Variants in CORIN observed in about 807,000 individuals in gnomAD.
CORIN encodes atrial natriuretic peptide-converting enzyme.
Under a neutral mutation model 125.3 loss-of-function variants are expected in CORIN, and 117 were observed. The observed-to-expected ratio is 0.93, with a 90% CI of 0.80 to 1.09. The LOEUF is 1.09. Ranked by LOEUF, CORIN falls within the 50% of genes least tolerant of loss-of-function variation. The pLI, the probability that CORIN is intolerant of heterozygous loss-of-function variation, is 0.00. For missense variants in CORIN, 1,253 were observed against 1,306.7 expected (o/e 0.96, Z 0.63); for synonymous variants, 450 against 466.4 (o/e 0.96, Z 0.45).
intron 16 of CORIN, among the ~76,000 whole-genome samples, chr4:47,640,641 A>C (rs1723198408): frequency 1.3e-5 from 2 of 152,238 alleles, no homozygotes; most frequent in South Asian, 4.1e-4. Flanking sequence ...GGTGAATTTT[A>C]TGGATGTGTA....
At chr4:47,638,810 C>G (rs1414469513) in intron 16 of CORIN, among the ~76,000 whole-genome samples, 1 of 152,140 alleles carries the variant, frequency 6.6e-6, no homozygotes, top group African/African-American at 2.4e-5. Flanking sequence ...AATCAGAGAG[C>G]CATCATACTT....
Position 47,595,669 on chromosome 4 carries a change from A to C in CORIN, c.*52T>G. 6.9e-7 allele frequency: 1 copy of C among 1,458,100 alleles called. No individual in the cohort carries two copies. Among genetic ancestry groups the C allele is most frequent in the Non-Finnish European group, 9.3e-7 (1 of 1,073,034 alleles). 90.3% of individuals were successfully genotyped at this position (1,458,100 alleles called of 1,614,324 possible). A position where few individuals can be genotyped will look rare whatever the true frequency, so the allele number is the denominator to read the frequency against. On this transcript the variant is annotated 3_prime_UTR_variant, in exon 22 of 22. Transcript: ENST00000273857. ...CTGCAGGCAGCTCTTCACAGTCAAGAAGGCCATTTTCTTTTAGTGTAGCTG... is the reference window on the plus strand; with the variant it reads ...CTGCAGGCAGCTCTTCACAGTCAAGCAGGCCATTTTCTTTTAGTGTAGCTG...
chr4:47,788,093 C>T (rs554941167), intron 2 of CORIN, among the ~76,000 whole-genome samples: 2 of 152,122 alleles, frequency 1.3e-5, no homozygotes, highest in Non-Finnish European at 2.9e-5. Flanking sequence ...TCCAGAATAT[C>T]GCACTGTACT....
At chr4:47,648,715 G>A (rs1306270837) in intron 13 of CORIN, among the ~76,000 whole-genome samples, 1 of 152,204 alleles carries the variant, frequency 6.6e-6, no homozygotes, top group African/African-American at 2.4e-5. Context: ...TGAGCTGCAT[G>A]AAATTTTTAA....
chr4:47,600,083 A>G, intron 21 of CORIN, 131 bp downstream of exon 21: 1 of 750,588 alleles, frequency 1.3e-6, no homozygotes. Context: ...TGTGCTGTTA[A>G]TAATTAAACA....
At chr4:47,697,344 A>G (rs1234518619) in intron 5 of CORIN, among the ~76,000 whole-genome samples, 4 of 152,156 alleles carry the variant, frequency 2.6e-5, no homozygotes, top group Admixed American at 2.6e-4. Context: ...GTCATATTAG[A>G]TGGAAGGCCC....
At chr4:47,713,143 A>C (rs141181494) in intron 5 of CORIN, among the ~76,000 whole-genome samples, 2,092 of 152,316 alleles carry the variant, frequency 0.014, 43 homozygotes, top group African/African-American at 0.045. Flanking sequence ...AAAAGAGATA[A>C]TGGAAAAATC....
chr4:47,784,340 A>G (rs1335790393), intron 3 of CORIN, among the ~76,000 whole-genome samples: 1 of 152,222 alleles, frequency 6.6e-6, no homozygotes. Flanking sequence ...CAAGTACATT[A>G]ACAATATAAA....
chr4:47,623,451 G>A (rs2109555060), intron 19 of CORIN, 120 bp downstream of exon 19: 4 of 1,013,182 alleles, frequency 3.9e-6, no homozygotes, highest in East Asian at 4.9e-5. Context: ...GGCCTGGGAA[G>A]TAGATTAGCT....
At chr4:47,685,850 T>C (rs1369324914) in intron 6 of CORIN, among the ~76,000 whole-genome samples, 1 of 151,358 alleles carries the variant, frequency 6.6e-6, no homozygotes, top group African/African-American at 2.4e-5. Context: ...AAGTTTAGCA[T>C]ATTTCAAGCA....
chr4:47,835,432 C>T (rs547453072), intron 1 of CORIN, among the ~76,000 whole-genome samples: 1 of 152,328 alleles, frequency 6.6e-6, no homozygotes, highest in African/African-American at 2.4e-5. Context: ...CTTATTACCC[C>T]AGCAGTGGGG....
chr4:47,824,254 C>G (rs540499356), intron 1 of CORIN, among the ~76,000 whole-genome samples: 1 of 148,634 alleles, frequency 6.7e-6, no homozygotes, highest in Non-Finnish European at 1.5e-5. Flanking sequence ...ATTCAAAGAG[C>G]ATTTTTGTTC....
At chr4:47,785,045 C>T (rs932678407) in intron 3 of CORIN, among the ~76,000 whole-genome samples, 2 of 152,150 alleles carry the variant, frequency 1.3e-5, no homozygotes, top group African/African-American at 4.8e-5. Flanking sequence ...AATAAATACG[C>T]CATCTCAGAC....
chr4:47,761,372 C>T (rs1267482319), intron 4 of CORIN, among the ~76,000 whole-genome samples: 4 of 151,952 alleles, frequency 2.6e-5, no homozygotes, highest in Admixed American at 6.6e-5. Flanking sequence ...TACTGTGTCT[C>T]GCAGAATAGG....
chr4:47,626,135 T>G (rs11941312), intron 17 of CORIN, among the ~76,000 whole-genome samples: 39,654 of 152,040 alleles, frequency 0.26, 5,390 homozygotes, highest in Admixed American at 0.35. Context: ...AATAAGATAT[T>G]AAAAGTAATC....
intron 5 of CORIN, among the ~76,000 whole-genome samples, chr4:47,723,990 C>A: frequency 8.7e-6 from 1 of 114,578 alleles, no homozygotes. Context: ...AGTGAGACTC[C>A]ATCTCAAAAA....
chr4:47,790,676 GA>G (rs1434589123), intron 2 of CORIN, among the ~76,000 whole-genome samples: 2 of 152,074 alleles, frequency 1.3e-5, no homozygotes, highest in Non-Finnish European at 2.9e-5. Flanking sequence ...ACTACACATT[GA>G]TGGTAATGAC....
At position 47,645,074 on chromosome 4, in the gene CORIN, C is replaced by T. The variant is rs776556711; in HGVS notation, c.1957+7G>A. On this transcript the variant is annotated splice_region_variant and intron_variant, in intron 14 of 21. Coordinates refer to ENST00000273857, the MANE Select transcript of CORIN (RefSeq NM_006587.4). ...TGCTCTGTTGACAAATTCGCATAAGCACTTACAGCAGTTTTTCTCGTCCAT... is the reference window on the plus strand; with the variant it reads ...TGCTCTGTTGACAAATTCGCATAAGTACTTACAGCAGTTTTTCTCGTCCAT... The T allele has an allele frequency of 6.5e-7, 1 of 1,537,976 alleles. No homozygotes were observed. Among genetic ancestry groups the T allele is most frequent in the Non-Finnish European group, 8.9e-7 (1 of 1,117,886 alleles).
At chr4:47,771,801 T>C (rs1047858824) in intron 3 of CORIN, among the ~76,000 whole-genome samples, 1 of 152,196 alleles carries the variant, frequency 6.6e-6, no homozygotes, top group Non-Finnish European at 1.5e-5. Flanking sequence ...ATTTTCTTAA[T>C]GAGTGATTTA....
Sources: gnomAD v4.1 joint callset for allele counts (sites outside exome capture counted in the v4.1 genomes callset) on GRCh38, gnomAD v4.1.1 for gene constraint, MANE v1.5 for transcripts, NCBI Gene and HGNC (gene_info 2026-07-23, HGNC 2026-07-21) for gene names.